SKOR2: variants seen among roughly 807,000 people sequenced by gnomAD.
The protein encoded by SKOR2 is LBX1 corepressor 1-like protein.
SKOR2 carries 47 observed loss-of-function variants against 69.1 expected under a neutral mutation model. The observed-to-expected ratio is 0.68, with a 90% confidence interval of 0.54 to 0.87. The LOEUF (loss-of-function observed/expected upper bound fraction) is 0.87. SKOR2 is among the 40% of genes least tolerant of loss of function. The probability of loss-of-function intolerance (pLI) is 0.00; values close to 1 mark genes in which losing one functional copy is unlikely to be tolerated. For synonymous variants in SKOR2, 717 were observed against 672.6 expected, an observed-to-expected ratio of 1.07 and a Z score of -1.02; for missense variants, 1,404 against 1,472.2, an observed-to-expected ratio of 0.95 and a Z score of 0.76.
At chr18:47,237,108 C>T (rs973900646) in intron 4 of SKOR2, among the ~76,000 whole-genome samples, 9 of 152,160 alleles carry the variant, frequency 5.9e-5, no homozygotes, top group African/African-American at 1.2e-4. Flanking sequence ...TACCAACTAA[C>T]GCTATTCTAA....
rs186333451 is a variant in SKOR2 at position 47,249,319 on chromosome 18, A to G, written c.-47-89T>C. 2.1e-4 allele frequency: 261 copies of G among 1,217,986 alleles called. No homozygotes were observed. In the East Asian group the frequency reaches 4.3e-3, roughly 20 times the overall value. 75.4% of individuals were successfully genotyped at this position (1,217,986 alleles called of 1,614,324 possible). On this transcript the variant is annotated intron_variant, in intron 1 of 8. Transcript: ENST00000425639. ...AATCGCTAACCAAAGAATTAGAATA[A>G]CTTTCTTGCTTTGGTTAAGACACGA...
At position 47,247,269 on chromosome 18, in the gene SKOR2, G is replaced by A; in HGVS notation, c.1915C>T (p.Leu639=). Residue 639 remains leucine (L), a synonymous_variant, in exon 2 of 9, where the codon CTG becomes TTG. Transcript: ENST00000425639. This position sits in a 1 kb window ranked among gnomAD's most constrained non-coding sequence, Gnocchi z 6.6. ...GGCGCGCCCGCCGACGCCCCGTGCA[G>A]CTTGGCCAGGCTCTCCGCGTCGTCC... ...GKDDAESLAK[L]HGASAGAPHS... The A allele has an allele frequency of 6.7e-7, 1 of 1,481,660 alleles. No homozygotes were observed. The highest frequency in any genetic ancestry group is 2.3e-5 in the Admixed American group (1 of 44,362). 91.8% of individuals were successfully genotyped at this position (1,481,660 alleles called of 1,614,324 possible). A position where few individuals can be genotyped will look rare whatever the true frequency, so the allele number is the denominator to read the frequency against.
At chr18:47,222,261 A>C (rs2064163939) in intron 6 of SKOR2, among the ~76,000 whole-genome samples, 1 of 151,852 alleles carries the variant, frequency 6.6e-6, no homozygotes, top group Non-Finnish European at 1.5e-5. Flanking sequence ...GGCTGCAGTG[A>C]GCTGAGATTG....
intron 7 of SKOR2, among the ~76,000 whole-genome samples, chr18:47,218,907 C>CAACTT (rs1406392017): frequency 6.6e-6 from 1 of 152,184 alleles, no homozygotes; most frequent in Non-Finnish European, 1.5e-5. Flanking sequence ...GAGTTGTTAA[C>CAACTT]GATCACTTGA....
Position 47,248,114 on chromosome 18 carries a change from A to T in SKOR2, c.1070T>A (p.Val357Glu). Residue 357 changes from valine (V) to glutamate (E), a missense_variant, in exon 2 of 9, where the codon GTG becomes GAG. Coordinates refer to ENST00000425639, the MANE Select transcript of SKOR2 (RefSeq NM_001278063.4). This position sits in a 1 kb window ranked among gnomAD's most constrained non-coding sequence, Gnocchi z 6.4. ...TGGGGAGGGC[V>E]AGVGVGAGAG... ...GCCCGCGCCCACGCCCACGCCGGCC[A>T]CACAGCCACCCCCAGCGCCGCCCCC... 7.5e-7 allele frequency: 1 copy of T among 1,335,002 alleles called. No homozygotes were observed. Among genetic ancestry groups the T allele is most frequent in the Non-Finnish European group, 9.5e-7 (1 of 1,048,458 alleles). 82.7% of individuals were successfully genotyped at this position (1,335,002 alleles called of 1,614,324 possible).
At position 47,247,789 on chromosome 18, in the gene SKOR2, C is replaced by G; in HGVS notation, c.1395G>C (p.Pro465=). Residue 465 remains proline, a synonymous_variant, in exon 2 of 9, where the codon CCG becomes CCC. Transcript: ENST00000425639. The surrounding 1 kb of genome is among the most constrained non-coding windows in gnomAD (Gnocchi z 6.6). Reference sequence around the variant, plus strand: ...GCGGCGGCCAGAACATGCAGAAGGGCGGATAGAAGGCGTCCTTGCGGCCCG... The same window carrying G: ...GCGGCGGCCAGAACATGCAGAAGGGGGGATAGAAGGCGTCCTTGCGGCCCG... ...WPAGRKDAFY[P]PFCMFWPPRT... The G allele has an allele frequency of 1.4e-6, 2 of 1,398,382 alleles. No homozygotes were observed. The highest frequency in any genetic ancestry group is 1.8e-6 in the Non-Finnish European group (2 of 1,083,982). The allele number at this position is 1,398,382 out of a possible 1,614,324, so 86.6% of individuals were successfully genotyped here. A position where few individuals can be genotyped will look rare whatever the true frequency, so the allele number is the denominator to read the frequency against.
intron 4 of SKOR2, among the ~76,000 whole-genome samples, chr18:47,236,292 A>T (rs1459782132): frequency 5.3e-5 from 8 of 152,150 alleles, no homozygotes; most frequent in Admixed American, 5.2e-4. Flanking sequence ...CACCTGGCCC[A>T]TCCTGTGTTT....
intron 4 of SKOR2, among the ~76,000 whole-genome samples, chr18:47,232,766 A>G (rs2064204749): frequency 2.0e-5 from 3 of 152,216 alleles, no homozygotes; most frequent in Admixed American, 2.0e-4. Flanking sequence ...GAGGTCGTAA[A>G]TTCTAAATTA....
intron 4 of SKOR2, among the ~76,000 whole-genome samples, chr18:47,242,860 G>A (rs898242397): frequency 1.3e-5 from 2 of 152,014 alleles, no homozygotes; most frequent in Admixed American, 6.6e-5. Context: ...TTTAACAAGC[G>A]ACTCTAAAGC....
At chr18:47,207,509 G>C (rs991436587) in intron 8 of SKOR2, among the ~76,000 whole-genome samples, 7 of 152,090 alleles carry the variant, frequency 4.6e-5, no homozygotes, top group African/African-American at 9.7e-5. Flanking sequence ...TCAGCTGTAG[G>C]GGGGTGAAAG....
At chr18:47,236,962 T>C (rs2144503278) in intron 4 of SKOR2, among the ~76,000 whole-genome samples, 1 of 152,272 alleles carries the variant, frequency 6.6e-6, no homozygotes, top group South Asian at 2.1e-4. Flanking sequence ...CTTCCTCAGC[T>C]AGAAAATATA....
chr18:47,231,117 A>G, intron 4 of SKOR2, 117 bp from the exon 5 acceptor site: 7 of 1,535,842 alleles, frequency 4.6e-6, no homozygotes, highest in Non-Finnish European at 6.1e-6. Context: ...CTGAAATTGG[A>G]AGTCCTCATA....
At chr18:47,250,315 C>T (rs999216841) in intron 1 of SKOR2, among the ~76,000 whole-genome samples, 1 of 152,166 alleles carries the variant, frequency 6.6e-6, no homozygotes, top group Non-Finnish European at 1.5e-5. Flanking sequence ...AACTTCACCT[C>T]CAGTCAACAG....
intron 4 of SKOR2, among the ~76,000 whole-genome samples, chr18:47,237,357 T>C (rs1462767059): frequency 6.6e-6 from 1 of 152,250 alleles, no homozygotes; most frequent in Non-Finnish European, 1.5e-5. Context: ...AAATATTAAT[T>C]AGCGTATATG....
At chr18:47,237,644 C>T (rs995229452) in intron 4 of SKOR2, among the ~76,000 whole-genome samples, 2 of 151,978 alleles carry the variant, frequency 1.3e-5, no homozygotes, top group Admixed American at 1.3e-4. Context: ...GGCATTCACC[C>T]ATCCCTTCTA....
chr18:47,239,817 T>C (rs1002261392), intron 4 of SKOR2, among the ~76,000 whole-genome samples: 1 of 152,214 alleles, frequency 6.6e-6, no homozygotes, highest in Non-Finnish European at 1.5e-5. Context: ...CATAACTAAA[T>C]GTTGCTAGTA....
chr18:47,216,554 A>G (rs2064144553), intron 7 of SKOR2, among the ~76,000 whole-genome samples: 1 of 152,332 alleles, frequency 6.6e-6, no homozygotes, highest in Non-Finnish European at 1.5e-5. Context: ...CGGGAAAAAG[A>G]AGCAATGGTG....
At position 47,247,543 on chromosome 18, in the gene SKOR2, A is replaced by C. The variant is rs529419494; in HGVS notation, c.1641T>G (p.Pro547=). The change falls in exon 2 of 9, where the codon CCT becomes CCG. Residue 547 remains proline (P), a synonymous_variant. Coordinates refer to ENST00000425639, the MANE Select transcript of SKOR2 (RefSeq NM_001278063.4). This position sits in a 1 kb window ranked among gnomAD's most constrained non-coding sequence, Gnocchi z 6.6. ...CGTCGCGAGAGCCGGCGCCCCCGGC[A>C]GGAGGAGGTGGGCCGGAGCCCGGGC... The part of the protein sequence containing the change: ...ANGPGSGPPP[P]AGGAGSRDAL... The C allele has an allele frequency of 1.2e-3, 1,469 of 1,219,276 alleles. 15 individuals are homozygous for C. In the African/African-American group the frequency reaches 0.021, roughly 17 times the overall value. The allele number at this position is 1,219,276 out of a possible 1,614,324, so 75.5% of individuals were successfully genotyped here. A position where few individuals can be genotyped will look rare whatever the true frequency, so the allele number is the denominator to read the frequency against.
At position 47,248,638 on chromosome 18, in the gene SKOR2, C is replaced by A. The variant is rs2064296611; in HGVS notation, c.546G>T (p.Ser182=). 3 of 1,559,332 alleles carry A rather than the reference C, an allele frequency of 1.9e-6. No individual in the cohort carries two copies. The highest frequency in any genetic ancestry group is 2.6e-6 in the Non-Finnish European group (3 of 1,157,960). ...IKCSYCNMYF[S]PNKFIFHSHR... Reference sequence around the variant, plus strand: ...GGGAGTGGAAAATGAACTTGTTGGGCGAGAAGTACATGTTGCAGTAGCTGC... The same window carrying A: ...GGGAGTGGAAAATGAACTTGTTGGGAGAGAAGTACATGTTGCAGTAGCTGC... The change falls in exon 2 of 9, where the codon TCG becomes TCT. Residue 182 remains serine, a synonymous_variant. Transcript: ENST00000425639. This position sits in a 1 kb window ranked among gnomAD's most constrained non-coding sequence, Gnocchi z 6.4.
Sources: allele counts gnomAD v4.1 joint callset (sites outside exome capture counted in the v4.1 genomes callset), GRCh38; gene constraint gnomAD v4.1.1; non-coding constraint Gnocchi (gnomAD v3.1); transcripts MANE v1.5; gene names NCBI Gene and HGNC (gene_info 2026-07-23, HGNC 2026-07-21).